The following DHX37 variants were observed in gnomAD, a reference collection of about 807,000 sequenced individuals.
DHX37 encodes probable ATP-dependent RNA helicase DHX37.
In DHX37, 52 loss-of-function variants were observed where a neutral mutation model predicts 134.3. That is an observed-to-expected ratio of 0.39 (90% CI 0.31 to 0.49). The LOEUF (loss-of-function observed/expected upper bound fraction) is 0.49. Ranked by LOEUF, DHX37 falls within the 20% of genes least tolerant of loss-of-function variation. DHX37 has a pLI of 0.93. For missense variants in DHX37, 1,344 were observed against 1,580.8 expected (o/e 0.85, Z 2.54); for synonymous variants, 634 against 670.7 (o/e 0.95, Z 0.85).
At position 124,968,937 on chromosome 12, in the gene DHX37, G is replaced by T. The variant is rs771496307; in HGVS notation, c.1223C>A (p.Ser408Ter). 6.2e-7 allele frequency: 1 copy of T among 1,614,098 alleles called. No homozygotes were observed. Among genetic ancestry groups the T allele is most frequent in the Non-Finnish European group, 8.5e-7 (1 of 1,180,022 alleles). ...GAAGTCCTCCACCCGCAGCGTGGCC[G>T]ACATGATGAGCAGCTTGAGTGGCAG... is the stretch of plus-strand genomic sequence containing the variant. ...RNLPLKLLIM[S>*]ATLRVEDFTQ... The change falls in exon 9 of 27, where the codon TCG (serine) becomes TAG (stop). Residue 408 changes from serine to a stop codon, truncating the protein, a stop_gained. Coordinates refer to ENST00000308736, the MANE Select transcript of DHX37 (RefSeq NM_032656.4). LOFTEE classifies it high-confidence loss of function.
At position 124,952,997 on chromosome 12, in the gene DHX37, C is replaced by T. The variant is rs542103937; in HGVS notation, c.2696-427G>A. The T allele has an allele frequency of 1.3e-5, 2 of 153,438 alleles. 1 individual carries two copies. Among genetic ancestry groups the T allele is most frequent in the African/African-American group, 4.8e-5 (2 of 41,620 alleles). The allele number at this position is 153,438 out of a possible 1,614,324, so 9.5% of individuals were successfully genotyped here. A position where few individuals can be genotyped will look rare whatever the true frequency, so the allele number is the denominator to read the frequency against. ...TGGAAGGCAGAGGTGACTAAGCCTC[C>T]AACTACCTCCTCAGCCCAAGAGGTG... On this transcript the variant is annotated intron_variant, in intron 20 of 26. Coordinates refer to ENST00000308736, the MANE Select transcript of DHX37 (RefSeq NM_032656.4).
intron 15 of DHX37, among the ~76,000 whole-genome samples, chr12:124,960,997 CAG>C (rs921470821): frequency 2.2e-4 from 33 of 152,382 alleles, no homozygotes; most frequent in African/African-American, 4.6e-4. Flanking sequence ...GTACTTAAAA[CAG>C]GGGATGGTGC....
rs757544001 is a variant in DHX37, at chr12:124,965,003, T to C, written c.1739A>G (p.Glu580Gly). The change falls in exon 14 of 27, where the codon GAG becomes GGG. Residue 580 changes from glutamate to glycine, a missense_variant. Glu to Gly is a moderately conservative substitution (Grantham distance 98, BLOSUM62 -2). This residue lies in a region of DHX37 where 289 missense variants were observed against 323.8 expected (regional missense o/e 0.89). Transcript: ENST00000308736. ...GAGCGGGAGGGAGGCATCCGGCTGC[T>C]CACCTGGAGGGAAAGCAGAGGTCAC... ...DLGDGGQDGG[E>G]QPDASLPLHV... 5.6e-6 allele frequency: 9 copies of C among 1,593,664 alleles called. No individual in the cohort carries two copies. Among genetic ancestry groups the C allele is most frequent in the Non-Finnish European group, 7.7e-6 (9 of 1,172,066 alleles).
rs997604581 is a variant in DHX37, at chr12:124,974,506, C to T, written c.980+913G>A. On this transcript the variant is annotated intron_variant, in intron 6 of 26. Coordinates refer to ENST00000308736, the MANE Select transcript of DHX37 (RefSeq NM_032656.4). ...CCAACTGGCATGCTGACCCGGGGGC[C>T]GGTGGCTCTGTCTGGTCCACCACCA... 4.7e-5 allele frequency among the ~76,000 whole-genome samples: 7 copies of T among 150,316 alleles called. No homozygotes were observed. In the South Asian group the frequency reaches 6.4e-4, roughly 14 times the overall value.
chr12:124,960,940 C>T (rs926375706), intron 15 of DHX37, among the ~76,000 whole-genome samples: 5 of 152,326 alleles, frequency 3.3e-5, no homozygotes, highest in East Asian at 1.9e-4. Context: ...GGCGACAGAG[C>T]GAGACTCCGT....
intron 6 of DHX37, among the ~76,000 whole-genome samples, chr12:124,974,735 A>C (rs1954597253): frequency 6.6e-6 from 1 of 152,060 alleles, no homozygotes; most frequent in African/African-American, 2.4e-5. Flanking sequence ...TGCCTGTTCA[A>C]GGCTGCTTTC....
chr12:124,961,810 G>C (rs1416451209), intron 15 of DHX37, among the ~76,000 whole-genome samples: 1 of 152,120 alleles, frequency 6.6e-6, no homozygotes, highest in African/African-American at 2.4e-5. Flanking sequence ...CAGTTCCCTA[G>C]AAAGATGCAT....
chr12:124,956,641 C>T, intron 18 of DHX37, 50 bp downstream of exon 18: 2 of 1,486,212 alleles, frequency 1.3e-6, no homozygotes, highest in Admixed American at 4.6e-5. Flanking sequence ...AGCCCAGAGC[C>T]CCCGTCGGAA....
At chr12:124,951,178 G>A (rs1262768156) in intron 21 of DHX37, among the ~76,000 whole-genome samples, 2 of 152,048 alleles carry the variant, frequency 1.3e-5, no homozygotes, top group African/African-American at 2.4e-5. Flanking sequence ...CTACTTGGGA[G>A]GCTGAGGCAG....
chr12:124,953,791 T>G, intron 20 of DHX37, 89 bp downstream of exon 20: 1 of 1,529,320 alleles, frequency 6.5e-7, no homozygotes. Flanking sequence ...TTTGCAAACG[T>G]GGACTCTATG....
At chr12:124,969,325 T>G (rs1594495153) in intron 8 of DHX37, among the ~76,000 whole-genome samples, 1 of 151,596 alleles carries the variant, frequency 6.6e-6, no homozygotes. Context: ...CTGTGGGGGG[T>G]GGGAGAGAGC....
At position 124,948,307 on chromosome 12, in the gene DHX37, G is replaced by A. The variant is rs566081930; in HGVS notation, c.3291-126C>T. On this transcript the variant is annotated intron_variant, in intron 25 of 26. Coordinates refer to ENST00000308736, the MANE Select transcript of DHX37 (RefSeq NM_032656.4). ...CACCCAGGAGGGTGAAGAGCTGGCT[G>A]GGCATGGTGACATGCACCTGTAGCC... 1.7e-5 allele frequency: 24 copies of A among 1,448,710 alleles called. No homozygotes were observed. In the East Asian group the frequency reaches 6.0e-4, roughly 36 times the overall value. The allele number at this position is 1,448,710 out of a possible 1,614,324, so 89.7% of individuals were successfully genotyped here.
In DHX37 at chr12:124,988,953, G is replaced by A. The variant is rs771416866; in HGVS notation, c.70C>T (p.Pro24Ser). ...AGCTGCACGGGGGGCGGCTCGGGGG[G>A]GCCCTTCGAGGGTCCGGGGCCCGCC... ...QQAGPGPSKG[P>S]PEPPPVQLEL... Residue 24 changes from proline (P) to serine (S), a missense_variant, in exon 1 of 27, where the codon CCC (proline) becomes TCC (serine). Around this residue, in one of 7 missense-constraint regions of DHX37, gnomAD observed 319 missense variants for 296.1 expected, o/e 1.08. Transcript: ENST00000308736. 3.9e-5 allele frequency: 53 copies of A among 1,342,136 alleles called. No individual in the cohort carries two copies. The highest frequency in any genetic ancestry group is 4.2e-5 in the Non-Finnish European group (44 of 1,037,686). The allele number at this position is 1,342,136 out of a possible 1,614,324, so 83.1% of individuals were successfully genotyped here. A position where few individuals can be genotyped will look rare whatever the true frequency, so the allele number is the denominator to read the frequency against.
At chr12:124,964,195 CAAAAAA>C (rs397692928) in intron 15 of DHX37, among the ~76,000 whole-genome samples, 193 bp downstream of exon 15, 4 of 57,464 alleles carry the variant, frequency 7.0e-5, no homozygotes, top group African/African-American at 2.8e-4. Flanking sequence ...AACTCCATCT[CAAAAAA>C]AAAAAAAAAA....
chr12:124,959,621 T>C (rs942581442), intron 16 of DHX37, among the ~76,000 whole-genome samples: 2 of 152,204 alleles, frequency 1.3e-5, no homozygotes, highest in Non-Finnish European at 2.9e-5. Flanking sequence ...AAGTACAGGA[T>C]GTTATGTGTT....
At chr12:124,960,510 C>A (rs1954214663) in intron 15 of DHX37, 87 bp from the exon 16 acceptor site, 11 of 1,544,984 alleles carry the variant, frequency 7.1e-6, no homozygotes, top group Non-Finnish European at 8.8e-6. Context: ...GAAACCGGGA[C>A]AACAAACAAA....
chr12:124,982,472 G>A, intron 3 of DHX37, 39 bp downstream of exon 3: 1 of 1,609,092 alleles, frequency 6.2e-7, no homozygotes, highest in Middle Eastern at 1.8e-4. Context: ...AGGGGGCCCT[G>A]GAGGGAGGGC....
intron 5 of DHX37, 148 bp downstream of exon 5, chr12:124,977,194 G>C: frequency 1.0e-6 from 1 of 974,006 alleles, no homozygotes; most frequent in Non-Finnish European, 1.4e-6. Flanking sequence ...CTGGGGCCCA[G>C]AGAGGTTAAG....
intron 26 of DHX37, 61 bp from the exon 27 acceptor site, chr12:124,947,948 G>C (rs776780122): frequency 1.2e-6 from 2 of 1,611,554 alleles, no homozygotes; most frequent in South Asian, 2.2e-5. Flanking sequence ...CTCTCCTCAG[G>C]TGGCAAAAAG....
Sources: gnomAD v4.1 joint callset for allele counts (sites outside exome capture counted in the v4.1 genomes callset) on GRCh38, gnomAD v4.1.1 for gene constraint, gnomAD v4.1.1 regional missense constraint, MANE v1.5 for transcripts, NCBI Gene and HGNC (gene_info 2026-07-23, HGNC 2026-07-21) for gene names.